MSN: variants seen among roughly 807,000 people sequenced by gnomAD.
The protein encoded by MSN is epididymis luminal protein 70.
MSN carries 2 observed loss-of-function variants against 48.0 expected under a neutral mutation model. The observed-to-expected ratio is 0.04, with a 90% CI of 0.02 to 0.13. The LOEUF (loss-of-function observed/expected upper bound fraction) is 0.13, where lower values mean the gene tolerates loss of function less well. MSN is among the 10% of genes least tolerant of loss of function. The pLI is 1.00. For synonymous variants in MSN, 146 were observed against 166.9 expected, an observed-to-expected ratio of 0.87 and a Z score of 0.97; for missense variants, 267 against 470.1, an observed-to-expected ratio of 0.57 and a Z score of 3.99.
intron 1 of MSN, among the ~76,000 whole-genome samples, chrX:65,611,547 T>G (rs2070320923): frequency 8.9e-6 from 1 of 111,872 alleles, no homozygotes. Flanking sequence ...AAAATTTCCT[T>G]CCCTTGTAAG....
intron 1 of MSN, among the ~76,000 whole-genome samples, chrX:65,678,927 C>T (rs1285746314): frequency 8.9e-6 from 1 of 111,920 alleles, no homozygotes; most frequent in Non-Finnish European, 1.9e-5. Context: ...TCTTGGAAAG[C>T]GTGTAGCAGA....
intron 1 of MSN, among the ~76,000 whole-genome samples, chrX:65,705,712 T>A (rs895654368): frequency 8.9e-6 from 1 of 111,862 alleles, no homozygotes; most frequent in Non-Finnish European, 1.9e-5. Flanking sequence ...CTCACACATA[T>A]GGTAATTGGA....
rs372867858 is a variant in MSN at position 65,670,237 on chromosome X, G to GA, written c.12+2390dup. 3.6e-3 allele frequency among the ~76,000 whole-genome samples: 401 copies of GA among 111,880 alleles called. 1 individual carries two copies. The highest frequency in any genetic ancestry group is 0.012 in the African/African-American group (380 of 30,792). ...CAACCAGTAATTTTAATTAAAAGGG[G>GA]AAAAAATTTCCCTTTCTCTGCTCCA... On this transcript the variant is annotated intron_variant, in intron 1 of 12. Coordinates refer to ENST00000360270, the MANE Select transcript of MSN (RefSeq NM_002444.3).
chrX:65,594,546 G>C (rs935145263), intron 1 of MSN, among the ~76,000 whole-genome samples: 2 of 111,108 alleles, frequency 1.8e-5, no homozygotes, highest in African/African-American at 6.6e-5. Context: ...TTGGGTAGGG[G>C]CAGAGAAGCA....
chrX:65,737,312 G>A lies in MSN; in HGVS notation c.1225G>A (p.Asp409Asn). 1.7e-6 allele frequency: 2 copies of A among 1,210,693 alleles called. No individual in the cohort carries two copies. Among genetic ancestry groups the A allele is most frequent in the Non-Finnish European group, 2.2e-6 (2 of 895,079 alleles). The change falls in exon 10 of 13, where the codon GAC (aspartate) becomes AAC (asparagine). Residue 409 changes from aspartate to asparagine, a missense_variant. By Grantham distance (23) the Asp-to-Asn change is conservative. This residue lies in a region of MSN where 70 missense variants were observed against 76.3 expected (regional missense o/e 0.92). Coordinates refer to ENST00000360270, the MANE Select transcript of MSN (RefSeq NM_002444.3). ...AKEALLQASR[D>N]QKKTQEQLAL... ...GGAGGCCTTGCTGCAGGCCTCCCGG[G>A]ACCAGAAAAAGACTCAGGAACAGCT...
chrX:65,693,771 G>A (rs2071199219), intron 1 of MSN, among the ~76,000 whole-genome samples: 1 of 112,197 alleles, frequency 8.9e-6, no homozygotes, highest in Admixed American at 9.4e-5. Context: ...GGAGGATAGT[G>A]GGCCGGGCGC....
intron 1 of MSN, among the ~76,000 whole-genome samples, chrX:65,636,690 T>C (rs2070602445): frequency 2.4e-5 from 2 of 84,544 alleles, no homozygotes; most frequent in African/African-American, 5.0e-5. Flanking sequence ...GAAGCTGTAG[T>C]GAGCCGAGAT....
chrX:65,731,998 C>G lies in MSN; in HGVS notation c.698+14C>G, dbSNP rs747346125. 1 of 1,198,728 alleles carries G rather than the reference C, an allele frequency of 8.3e-7. No individual in the cohort carries two copies. The highest frequency in any genetic ancestry group is 3.0e-5 in the East Asian group (1 of 33,559). ...GCAGAATGACAGGTATATCTCAGAT[C>G]TCTTTTAGTTTATTTAGGTCACGTT... On this transcript the variant is annotated intron_variant, in intron 6 of 12. Coordinates refer to ENST00000360270, the MANE Select transcript of MSN (RefSeq NM_002444.3).
At chrX:65,648,145 G>A (rs972976059) in intron 1 of MSN, among the ~76,000 whole-genome samples, 6 of 110,051 alleles carry the variant, frequency 5.5e-5, no homozygotes, top group South Asian at 4.0e-4. Flanking sequence ...TGGGGGGGGC[G>A]TGAGGAAAAA....
intron 1 of MSN, among the ~76,000 whole-genome samples, chrX:65,672,672 C>T (rs2070954166): frequency 9.0e-6 from 1 of 111,470 alleles, no homozygotes; most frequent in East Asian, 2.8e-4. Context: ...CTCTCCTGTC[C>T]TCAGTAAAGT....
intron 1 of MSN, among the ~76,000 whole-genome samples, chrX:65,650,178 C>T (rs1254943987): frequency 9.4e-6 from 1 of 106,677 alleles, no homozygotes; most frequent in Non-Finnish European, 1.9e-5. Flanking sequence ...ACCTCCCCCT[C>T]CTGGGTTCAA....
intron 1 of MSN, among the ~76,000 whole-genome samples, chrX:65,703,074 T>C (rs752181435): frequency 7.1e-5 from 8 of 111,918 alleles, no homozygotes; most frequent in Non-Finnish European, 1.3e-4. Flanking sequence ...AGAAGGGCTC[T>C]TTAGAGGTCT....
chrX:65,628,572 G>A (rs1262018175), intron 1 of MSN, among the ~76,000 whole-genome samples: 1 of 112,066 alleles, frequency 8.9e-6, no homozygotes, highest in Non-Finnish European at 1.9e-5. Flanking sequence ...GCCTGTGATA[G>A]GAGGGGCTGC....
chrX:65,653,511 T>G (rs1343681966), intron 1 of MSN, among the ~76,000 whole-genome samples: 1 of 110,579 alleles, frequency 9.0e-6, no homozygotes, highest in African/African-American at 3.3e-5. Flanking sequence ...AAAAAGTGTT[T>G]TAGGAACGTA....
intron 1 of MSN, among the ~76,000 whole-genome samples, chrX:65,680,423 G>A (rs775300790): frequency 8.9e-6 from 1 of 111,942 alleles, no homozygotes; most frequent in African/African-American, 3.2e-5. Flanking sequence ...ACATTCTAAT[G>A]GCCATGTAAA....
At chrX:65,669,481 C>G (rs893026570) in intron 1 of MSN, among the ~76,000 whole-genome samples, 33 of 111,845 alleles carry the variant, frequency 3.0e-4, no homozygotes, top group African/African-American at 1.0e-3. Context: ...TTGCTTCAAA[C>G]TTGCATTAAC....
chrX:65,729,340 C>T (rs978996168), intron 3 of MSN, 98 bp from the exon 4 acceptor site: 6 of 986,941 alleles, frequency 6.1e-6, no homozygotes, highest in Admixed American at 2.9e-5. Context: ...TAAGATTATG[C>T]AAATTGATGA....
At chrX:65,737,072 C>T in intron 9 of MSN, 106 bp from the exon 10 acceptor site, 2 of 1,129,073 alleles carry the variant, frequency 1.8e-6, no homozygotes, top group Non-Finnish European at 2.4e-6. Flanking sequence ...GAGCTCAGAA[C>T]TTTCTGCCAG....
At chrX:65,610,385 C>A (rs1423426688) in intron 1 of MSN, among the ~76,000 whole-genome samples, 1 of 112,418 alleles carries the variant, frequency 8.9e-6, no homozygotes, top group East Asian at 2.7e-4. Flanking sequence ...TGGCTTATTT[C>A]ATTAACAATG....
Sources: allele counts gnomAD v4.1 joint callset (sites outside exome capture counted in the v4.1 genomes callset), GRCh38; gene constraint gnomAD v4.1.1; regional missense constraint gnomAD v4.1.1; transcripts MANE v1.5; gene names NCBI Gene and HGNC (gene_info 2026-07-23, HGNC 2026-07-21).